Variants in ROBO1 observed in about 807,000 individuals in gnomAD.
ROBO1 encodes roundabout homolog 1.
Under a neutral mutation model 195.9 loss-of-function variants are expected in ROBO1, and 149 were observed. The observed-to-expected ratio is 0.76, with a 90% CI of 0.67 to 0.87. The LOEUF is 0.87. Ranked by LOEUF, ROBO1 falls within the 40% of genes least tolerant of loss-of-function variation. The probability of loss-of-function intolerance (pLI) is 0.00; values close to 1 mark genes in which losing one functional copy is unlikely to be tolerated. For synonymous variants in ROBO1, 816 were observed against 733.2 expected (o/e 1.11, Z -1.82); for missense variants, 1,933 against 2,068.3 (o/e 0.93, Z 1.27).
Position 79,283,722 on chromosome 3 carries a change from G to A in ROBO1, c.89-158183C>T, listed in dbSNP as rs566720350. On this transcript the variant is annotated intron_variant, in intron 2 of 30. Transcript: ENST00000464233. ...ATTCTTTTTTTTTTTTTTTGAGACG[G>A]AGTCTCGCTCTGTCGCCCAGGCTGG... Among the ~76,000 whole-genome samples the A allele has an allele frequency of 3.1e-3, 462 of 149,932 alleles. 3 individuals are homozygous for A. Among genetic ancestry groups the A allele is most frequent in the African/African-American group, 0.011 (429 of 40,424 alleles).
At chr3:79,515,307 C>T (rs536948477) in intron 2 of ROBO1, among the ~76,000 whole-genome samples, 7 of 152,324 alleles carry the variant, frequency 4.6e-5, no homozygotes, top group African/African-American at 1.7e-4. Flanking sequence ...TCTGTGTTGC[C>T]TGCACATGGC....
intron 2 of ROBO1, among the ~76,000 whole-genome samples, chr3:79,326,536 G>C (rs895408500): frequency 1.3e-5 from 2 of 152,140 alleles, no homozygotes; most frequent in African/African-American, 4.8e-5. Context: ...GAATTTGAAG[G>C]AGTTTTAAAC....
chr3:79,617,701 G>T (rs996365140), intron 1 of ROBO1, among the ~76,000 whole-genome samples: 3 of 150,456 alleles, frequency 2.0e-5, no homozygotes, highest in South Asian at 2.1e-4. Flanking sequence ...TCTAGCAATG[G>T]AACCTAACCA....
intron 4 of ROBO1, among the ~76,000 whole-genome samples, chr3:78,799,428 G>A (rs944520385): frequency 1.3e-5 from 2 of 151,910 alleles, no homozygotes; most frequent in African/African-American, 4.8e-5. Context: ...TGCAAGCTCT[G>A]CCTCCCGGGT....
chr3:79,756,118 C>T (rs752023328), intron 1 of ROBO1, among the ~76,000 whole-genome samples: 16 of 152,258 alleles, frequency 1.1e-4, no homozygotes, highest in Non-Finnish European at 1.8e-4. Context: ...AGGGCAGATG[C>T]ATTGTAGGTA....
intron 5 of ROBO1, among the ~76,000 whole-genome samples, chr3:78,730,952 A>G (rs1460698000): frequency 6.6e-6 from 1 of 152,182 alleles, no homozygotes; most frequent in Non-Finnish European, 1.5e-5. Context: ...GGTGGGCTAC[A>G]TTAAACTTCA....
chr3:78,752,049 G>A (rs774933633), intron 4 of ROBO1, among the ~76,000 whole-genome samples: 2 of 152,048 alleles, frequency 1.3e-5, no homozygotes, highest in Non-Finnish European at 1.5e-5. Flanking sequence ...AAACTAAGGT[G>A]TATTGGAGGA....
At chr3:79,033,635 C>T (rs1300712224) in intron 3 of ROBO1, among the ~76,000 whole-genome samples, 1 of 152,092 alleles carries the variant, frequency 6.6e-6, no homozygotes, top group Non-Finnish European at 1.5e-5. Flanking sequence ...TCATCCAGGG[C>T]AGAAGATACA....
chr3:79,689,117 A>G (rs939137640), intron 1 of ROBO1, among the ~76,000 whole-genome samples: 1 of 152,006 alleles, frequency 6.6e-6, no homozygotes, highest in Non-Finnish European at 1.5e-5. Context: ...AACTTGTAAT[A>G]AATTAATAAT....
At chr3:79,489,200 C>T (rs1462902821) in intron 2 of ROBO1, among the ~76,000 whole-genome samples, 1 of 151,642 alleles carries the variant, frequency 6.6e-6, no homozygotes, top group Non-Finnish European at 1.5e-5. Flanking sequence ...AAAAAACTGG[C>T]AATTACAATT....
At chr3:79,523,445 CTT>C (rs902671711) in intron 2 of ROBO1, among the ~76,000 whole-genome samples, 4 of 148,916 alleles carry the variant, frequency 2.7e-5, no homozygotes, top group Admixed American at 2.0e-4. Context: ...AAAAAATAGA[CTT>C]TGCATTTTTC....
intron 2 of ROBO1, among the ~76,000 whole-genome samples, chr3:79,489,514 G>A (rs183322558): frequency 6.6e-5 from 10 of 152,074 alleles, no homozygotes; most frequent in African/African-American, 2.4e-4. Flanking sequence ...AATTAGCTGG[G>A]TGAGGTGGTG....
intron 8 of ROBO1, among the ~76,000 whole-genome samples, chr3:78,707,397 C>A (rs2081578558): frequency 6.6e-6 from 1 of 152,142 alleles, no homozygotes; most frequent in Admixed American, 6.5e-5. Flanking sequence ...TCCTTCACTG[C>A]ACAGTTGGCA....
intron 2 of ROBO1, among the ~76,000 whole-genome samples, chr3:79,356,680 T>C (rs1250076144): frequency 6.6e-6 from 1 of 152,208 alleles, no homozygotes; most frequent in East Asian, 1.9e-4. Context: ...CTTTTATTTA[T>C]GTCATTGAAG....
intron 2 of ROBO1, among the ~76,000 whole-genome samples, chr3:79,383,784 C>T (rs2036647314): frequency 6.6e-6 from 1 of 152,000 alleles, no homozygotes; most frequent in African/African-American, 2.4e-5. Flanking sequence ...AGTTAAGTTT[C>T]ATTAGATGAA....
intron 3 of ROBO1, among the ~76,000 whole-genome samples, chr3:79,051,882 TCTTTA>T (rs1421645834): frequency 2.0e-5 from 3 of 152,130 alleles, no homozygotes; most frequent in Non-Finnish European, 2.9e-5. Flanking sequence ...CCTATTCCCG[TCTTTA>T]CTTTAATCTC....
chr3:79,082,613 G>C (rs1014998346), intron 3 of ROBO1, among the ~76,000 whole-genome samples: 2 of 152,178 alleles, frequency 1.3e-5, no homozygotes, highest in Non-Finnish European at 2.9e-5. Flanking sequence ...ATGCTCCAGA[G>C]CCTCAAGTGT....
chr3:79,557,708 G>A (rs532856803), intron 2 of ROBO1, among the ~76,000 whole-genome samples: 1 of 114,398 alleles, frequency 8.7e-6, no homozygotes, highest in South Asian at 2.8e-4. Context: ...ACTCCAGCCT[G>A]GGCAACAGAG....
At chr3:79,402,985 A>G (rs2037418898) in intron 2 of ROBO1, among the ~76,000 whole-genome samples, 1 of 151,920 alleles carries the variant, frequency 6.6e-6, no homozygotes, top group Non-Finnish European at 1.5e-5. Context: ...TTTATCATAG[A>G]GTAGCTACAT....
Sources: gnomAD v4.1 joint callset for allele counts (sites outside exome capture counted in the v4.1 genomes callset) on GRCh38, gnomAD v4.1.1 for gene constraint, MANE v1.5 for transcripts, NCBI Gene and HGNC (gene_info 2026-07-23, HGNC 2026-07-21) for gene names.